The following NSD1 variants were observed in gnomAD, a reference collection of about 807,000 sequenced individuals.
The protein encoded by NSD1 is histone-lysine N-methyltransferase, H3 lysine-36 specific.
In NSD1, 26 loss-of-function variants were observed where a neutral mutation model predicts 242.7. The ratio of observed to expected loss-of-function variants is 0.11; its 90% CI spans 0.08 to 0.15. The LOEUF is 0.15. NSD1 is among the 10% of genes least tolerant of loss of function. The pLI, the probability that NSD1 is intolerant of heterozygous loss-of-function variation, is 1.00. For synonymous variants in NSD1, 1,106 were observed against 1,178.1 expected (o/e 0.94, Z 1.25); for missense variants, 2,495 against 3,272.8 (o/e 0.76, Z 5.80).
chr5:177,155,463 C>T (rs1340462417), intron 2 of NSD1, among the ~76,000 whole-genome samples: 1 of 151,372 alleles, frequency 6.6e-6, no homozygotes, highest in Non-Finnish European at 1.5e-5. Flanking sequence ...GGGATTTCAC[C>T]ATGTCGGCTA....
At chr5:177,276,160 G>A (rs1301908095) in intron 17 of NSD1, among the ~76,000 whole-genome samples, 1 of 151,230 alleles carries the variant, frequency 6.6e-6, no homozygotes, top group African/African-American at 2.4e-5. Flanking sequence ...GAACTCCTCA[G>A]CTCAAAGCAA....
chr5:177,163,537 G>A (rs186555465), intron 2 of NSD1, among the ~76,000 whole-genome samples: 16 of 152,248 alleles, frequency 1.1e-4, no homozygotes, highest in South Asian at 2.1e-4. Flanking sequence ...CTTGAGTCCC[G>A]TGCTTGCCTT....
intron 21 of NSD1, 43 bp downstream of exon 21, chr5:177,288,968 T>G: frequency 2.2e-6 from 3 of 1,347,728 alleles, no homozygotes; most frequent in South Asian, 1.2e-5. Context: ...AGTGGTGCGG[T>G]CCTCCCTCCC....
At chr5:177,154,759 G>A (rs1757985697) in intron 2 of NSD1, among the ~76,000 whole-genome samples, 1 of 152,034 alleles carries the variant, frequency 6.6e-6, no homozygotes. Context: ...GCAATGGTGC[G>A]ATCTCGGCTC....
Position 177,294,182 on chromosome 5 carries a change from A to G in NSD1, c.6814A>G (p.Thr2272Ala), listed in dbSNP as rs745444242. Residue 2272 changes from threonine to alanine, a missense_variant, in exon 23 of 23, where the codon ACT becomes GCT. By Grantham distance (58) the Thr-to-Ala change is moderately conservative. Coordinates refer to ENST00000439151, the MANE Select transcript of NSD1 (RefSeq NM_022455.5). ...GCTCTCCAAAAAAGCTCTGGCAGGG[A>G]CTTGTCAGAGGCCATTGCTACCTGA... Reference protein sequence around the residue: ...LSLSKKALAGTCQRPLLPERP... With the variant: ...LSLSKKALAGACQRPLLPERP... 1 of 1,614,150 alleles carries G rather than the reference A, an allele frequency of 6.2e-7. No homozygotes were observed. Among genetic ancestry groups the G allele is most frequent in the African/African-American group, 1.3e-5 (1 of 75,038 alleles).
chr5:177,205,523 A>G (rs1324488867), intron 4 of NSD1, among the ~76,000 whole-genome samples: 1 of 150,920 alleles, frequency 6.6e-6, no homozygotes, highest in Non-Finnish European at 1.5e-5. Flanking sequence ...AGTTTTTTTT[A>G]TTGTGTTAAA....
At chr5:177,203,073 C>T (rs1313124862) in intron 3 of NSD1, among the ~76,000 whole-genome samples, 1 of 151,924 alleles carries the variant, frequency 6.6e-6, no homozygotes, top group African/African-American at 2.4e-5. Flanking sequence ...CATAATTCTT[C>T]CAAAGGTTAT....
intron 5 of NSD1, among the ~76,000 whole-genome samples, chr5:177,234,488 G>A (rs1395702098): frequency 6.6e-6 from 1 of 152,106 alleles, no homozygotes; most frequent in African/African-American, 2.4e-5. Context: ...AGGCCAAGGC[G>A]GGCAGATCAC....
At chr5:177,213,722 C>T (rs1316568058) in intron 5 of NSD1, among the ~76,000 whole-genome samples, 1 of 152,160 alleles carries the variant, frequency 6.6e-6, no homozygotes, top group African/African-American at 2.4e-5. Context: ...CCGCCCGCCT[C>T]CACCTCCCAA....
At chr5:177,214,163 C>T in intron 5 of NSD1, among the ~76,000 whole-genome samples, 1 of 152,060 alleles carries the variant, frequency 6.6e-6, no homozygotes, top group East Asian at 1.9e-4. Context: ...AAAACCCCAT[C>T]TCTACTAAAA....
intron 18 of NSD1, among the ~76,000 whole-genome samples, chr5:177,281,109 A>C (rs961103742): frequency 6.6e-6 from 1 of 152,176 alleles, no homozygotes; most frequent in African/African-American, 2.4e-5. Flanking sequence ...TTTTTTGTGA[A>C]TATCCTACAG....
At chr5:177,171,682 G>T (rs1759722536) in intron 2 of NSD1, among the ~76,000 whole-genome samples, 1 of 152,056 alleles carries the variant, frequency 6.6e-6, no homozygotes, top group African/African-American at 2.4e-5. Context: ...CCTATCCTAG[G>T]TATTTTATTT....
At chr5:177,256,721 G>A (rs1026343326) in intron 12 of NSD1, among the ~76,000 whole-genome samples, 42 of 152,168 alleles carry the variant, frequency 2.8e-4, no homozygotes, top group Admixed American at 1.3e-3. Flanking sequence ...TGGCGGGGGT[G>A]CCAGCGGCAA....
At chr5:177,226,193 C>T (rs752316680) in intron 5 of NSD1, among the ~76,000 whole-genome samples, 6 of 152,062 alleles carry the variant, frequency 3.9e-5, no homozygotes, top group Non-Finnish European at 7.3e-5. Context: ...ACTACAGGCA[C>T]GTGCCACCAC....
rs141193000 is a variant in NSD1 at position 177,143,130 on chromosome 5, G to A, written c.927+7100G>A. Among the ~76,000 whole-genome samples, 452 of 152,270 alleles carry A rather than the reference G, an allele frequency of 3.0e-3. 2 individuals are homozygous for A. Among genetic ancestry groups the A allele is most frequent in the African/African-American group, 0.011 (442 of 41,558 alleles). ...AAGGGGAGTGAGTACATTTTAGAAA[G>A]GTGATAAGTGGATTGTCAGCCTTCA... On this transcript the variant is annotated intron_variant, in intron 2 of 22. Coordinates refer to ENST00000439151, the MANE Select transcript of NSD1 (RefSeq NM_022455.5).
chr5:177,265,493 G>C, intron 14 of NSD1: 1 of 650,786 alleles, frequency 1.5e-6, no homozygotes, highest in South Asian at 1.9e-5. Context: ...GGGAGGGAGA[G>C]AGAGAGGAAG....
At position 177,290,034 on chromosome 5, in the gene NSD1, T is replaced by G. The variant is rs1759675726; in HGVS notation, c.6258+1109T>G. On this transcript the variant is annotated intron_variant, in intron 21 of 22. Coordinates refer to ENST00000439151, the MANE Select transcript of NSD1 (RefSeq NM_022455.5). ...AGTAGAAACAGGGTTTCACTGTTGTTAGCCAGGTTGGTCTCGATCTCCTGA... is the reference window on the plus strand; with the variant it reads ...AGTAGAAACAGGGTTTCACTGTTGTGAGCCAGGTTGGTCTCGATCTCCTGA... Among the ~76,000 whole-genome samples the G allele has an allele frequency of 2.6e-5, 4 of 151,884 alleles. No individual in the cohort carries two copies. In the South Asian group the frequency reaches 8.4e-4, roughly 32 times the overall value.
chr5:177,279,617 T>TA (rs1758687450), intron 17 of NSD1, among the ~76,000 whole-genome samples: 1 of 108,360 alleles, frequency 9.2e-6, no homozygotes, highest in Non-Finnish European at 1.9e-5. Context: ...AAAATTTTTT[T>TA]TTTTTTTTTT....
intron 2 of NSD1, among the ~76,000 whole-genome samples, chr5:177,157,465 A>C (rs1213669710): frequency 1.3e-5 from 2 of 151,786 alleles, no homozygotes; most frequent in East Asian, 3.9e-4. Context: ...TGGGAGGTAG[A>C]GGTGGGCAGA....
Sources: gnomAD v4.1 joint callset for allele counts (sites outside exome capture counted in the v4.1 genomes callset) on GRCh38, gnomAD v4.1.1 for gene constraint, MANE v1.5 for transcripts, NCBI Gene and HGNC (gene_info 2026-07-23, HGNC 2026-07-21) for gene names.